The following NTNG1 variants were observed in gnomAD, a reference collection of about 807,000 sequenced individuals.
The protein encoded by NTNG1 is netrin-G1.
Under a neutral mutation model 54.0 loss-of-function variants are expected in NTNG1, and 16 were observed. The ratio of observed to expected loss-of-function variants is 0.30; its 90% CI spans 0.20 to 0.45. The LOEUF is 0.45. Ranked by LOEUF, NTNG1 falls within the 20% of genes least tolerant of loss-of-function variation. The pLI, the probability that NTNG1 is intolerant of heterozygous loss-of-function variation, is 1.00. For missense variants in NTNG1, 530 were observed against 678.7 expected (o/e 0.78, Z 2.43); for synonymous variants, 255 against 263.1 (o/e 0.97, Z 0.30).
chr1:107,407,928 A>T (rs1557974246), intron 5 of NTNG1: 1 of 718,190 alleles, frequency 1.4e-6, no homozygotes, highest in South Asian at 1.4e-5. Context: ...CAGTGCTATG[A>T]CTTTTCTGAC....
At chr1:107,442,480 T>A (rs930983015) in intron 7 of NTNG1, among the ~76,000 whole-genome samples, 6 of 152,138 alleles carry the variant, frequency 3.9e-5, no homozygotes, top group Non-Finnish European at 8.8e-5. Flanking sequence ...GAGGTTTTGA[T>A]GAACATTATT....
intron 2 of NTNG1, among the ~76,000 whole-genome samples, chr1:107,287,081 A>T (rs1181099048): frequency 6.6e-6 from 1 of 152,102 alleles, no homozygotes; most frequent in East Asian, 1.9e-4. Context: ...TTTCTTTCAT[A>T]TGTAGTATAC....
At chr1:107,142,768 A>T (rs1190399807) in intron 1 of NTNG1, among the ~76,000 whole-genome samples, 12 of 138,496 alleles carry the variant, frequency 8.7e-5, no homozygotes, top group Admixed American at 2.8e-4. Context: ...CCAAAAAATA[A>T]TTTTTTTTTT....
chr1:107,472,104 A>T (rs573408891), intron 7 of NTNG1, among the ~76,000 whole-genome samples: 5 of 152,298 alleles, frequency 3.3e-5, no homozygotes, highest in Admixed American at 6.5e-5. Flanking sequence ...CAGGGATGAG[A>T]CTTGAATCAC....
intron 2 of NTNG1, among the ~76,000 whole-genome samples, chr1:107,189,951 T>G (rs1657781992): frequency 6.6e-6 from 1 of 152,016 alleles, no homozygotes; most frequent in South Asian, 2.1e-4. Context: ...ATAGACAAAA[T>G]GTAGTATATA....
At chr1:107,240,783 A>T (rs1487639983) in intron 2 of NTNG1, among the ~76,000 whole-genome samples, 2 of 152,226 alleles carry the variant, frequency 1.3e-5, no homozygotes, top group African/African-American at 2.4e-5. Flanking sequence ...GTGAAGATTG[A>T]TGTAAATTTA....
chr1:107,223,819 A>G (rs12070986), intron 2 of NTNG1, among the ~76,000 whole-genome samples: 7,066 of 152,204 alleles, frequency 0.046, 463 homozygotes, highest in African/African-American at 0.15. Context: ...AGGTGTTGTC[A>G]GGTGAGGATG....
chr1:107,390,090 G>C (rs1398535849), intron 3 of NTNG1, among the ~76,000 whole-genome samples: 1 of 152,148 alleles, frequency 6.6e-6, no homozygotes, highest in Admixed American at 6.5e-5. Flanking sequence ...ATTGGAATGG[G>C]GCTGGTGAGG....
At position 107,165,219 on chromosome 1, in the gene NTNG1, C is replaced by T. The variant is rs372885670; in HGVS notation, c.246+16380C>T. Among the ~76,000 whole-genome samples the T allele has an allele frequency of 1.4e-4, 21 of 151,838 alleles. No homozygotes were observed. In the South Asian group the frequency reaches 1.5e-3, roughly 11 times the overall value. ...GTTTACTGAAACTAGAGGCAAGGGG[C>T]GAAGAGAACCAGGAAGTTAAACTTT... On this transcript the variant is annotated intron_variant, in intron 2 of 7. Coordinates refer to ENST00000370068, the MANE Select transcript of NTNG1 (RefSeq NM_001113226.3).
At chr1:107,453,737 A>G (rs1009182517) in intron 7 of NTNG1, among the ~76,000 whole-genome samples, 6 of 152,164 alleles carry the variant, frequency 3.9e-5, no homozygotes, top group African/African-American at 1.2e-4. Flanking sequence ...TATAAATTAA[A>G]CTAAATTTAA....
intron 1 of NTNG1, 194 bp downstream of exon 1, chr1:107,141,334 C>T (rs1458717413): frequency 6.7e-6 from 1 of 150,152 alleles, no homozygotes; most frequent in Non-Finnish European, 1.5e-5. Context: ...GCCCTCCGCC[C>T]GTACGCCGCC....
chr1:107,373,444 A>G (rs1222026665), intron 3 of NTNG1, among the ~76,000 whole-genome samples: 4 of 152,050 alleles, frequency 2.6e-5, no homozygotes, highest in African/African-American at 9.7e-5. Flanking sequence ...ACCTCACAAT[A>G]TATCATTTTT....
chr1:107,438,830 G>A (rs990116293), intron 7 of NTNG1, among the ~76,000 whole-genome samples: 1 of 152,088 alleles, frequency 6.6e-6, no homozygotes, highest in Non-Finnish European at 1.5e-5. Flanking sequence ...TTCCCTTCTG[G>A]AATCAAAAGA....
intron 2 of NTNG1, among the ~76,000 whole-genome samples, chr1:107,177,265 G>A (rs937328529): frequency 3.3e-5 from 5 of 152,012 alleles, no homozygotes; most frequent in African/African-American, 1.2e-4. Context: ...TAACAAATGA[G>A]AGAGTACAGA....
At chr1:107,427,926 G>A (rs1028934729) in intron 5 of NTNG1, among the ~76,000 whole-genome samples, 3 of 152,074 alleles carry the variant, frequency 2.0e-5, no homozygotes, top group Admixed American at 6.6e-5. Context: ...TCTAATAATA[G>A]TAGTGATAAT....
chr1:107,461,131 C>T (rs1268249804), intron 7 of NTNG1, among the ~76,000 whole-genome samples: 1 of 152,170 alleles, frequency 6.6e-6, no homozygotes, highest in Non-Finnish European at 1.5e-5. Flanking sequence ...ATTGAGTATA[C>T]TGTGTTAAGA....
chr1:107,251,500 G>T (rs1662603815), intron 2 of NTNG1, among the ~76,000 whole-genome samples: 1 of 151,908 alleles, frequency 6.6e-6, no homozygotes, highest in Non-Finnish European at 1.5e-5. Context: ...CTTCACTTTT[G>T]CATCTAGTTA....
intron 3 of NTNG1, among the ~76,000 whole-genome samples, chr1:107,380,547 G>A (rs773725539): frequency 2.6e-5 from 4 of 152,154 alleles, no homozygotes; most frequent in Non-Finnish European, 5.9e-5. Flanking sequence ...ACACTGTTAG[G>A]AAAATGTATT....
In NTNG1 at chr1:107,229,555, G is replaced by A. The variant is rs1039181153; in HGVS notation, c.246+80716G>A. Reference sequence around the variant, plus strand: ...TTTTTAAATGAGAATTTATGGAAAGGGTTCTGCTCTGAAAAGAGAAGCAAT... The same window carrying A: ...TTTTTAAATGAGAATTTATGGAAAGAGTTCTGCTCTGAAAAGAGAAGCAAT... On this transcript the variant is annotated intron_variant, in intron 2 of 7. Coordinates refer to ENST00000370068, the MANE Select transcript of NTNG1 (RefSeq NM_001113226.3). Among the ~76,000 whole-genome samples the A allele has an allele frequency of 8.6e-5, 13 of 151,518 alleles. 1 individual carries two copies. The highest frequency in any genetic ancestry group is 8.6e-4 in the Admixed American group (13 of 15,152).
Sources: gnomAD v4.1 joint callset for allele counts (sites outside exome capture counted in the v4.1 genomes callset) on GRCh38, gnomAD v4.1.1 for gene constraint, MANE v1.5 for transcripts, NCBI Gene and HGNC (gene_info 2026-07-23, HGNC 2026-07-21) for gene names.